ATP2B2: variants seen among roughly 807,000 people sequenced by gnomAD.
ATP2B2 encodes the protein ATPase plasma membrane Ca2+ transporting 2, also known as plasma membrane calcium-transporting ATPase 2.
Under a neutral mutation model 120.0 loss-of-function variants are expected in ATP2B2, and 15 were observed. The ratio of observed to expected loss-of-function variants is 0.12; its 90% CI spans 0.08 to 0.19. ATP2B2 has a LOEUF of 0.19. Among genes scored for constraint, ATP2B2 ranks in the 10% least tolerant of loss-of-function variants. ATP2B2 has a pLI of 1.00. For missense variants in ATP2B2, 1,045 were observed against 1,719.8 expected (o/e 0.61, Z 6.94); for synonymous variants, 694 against 700.3 (o/e 0.99, Z 0.14).
At chr3:10,569,587 T>C (rs1394266779) in intron 2 of ATP2B2, among the ~76,000 whole-genome samples, 1 of 152,172 alleles carries the variant, frequency 6.6e-6, no homozygotes, top group Non-Finnish European at 1.5e-5. Context: ...ACCTCATGGA[T>C]ATTAATCCTT....
chr3:10,509,944 A>C (rs998468536), upstream of ATP2B2, among the ~76,000 whole-genome samples: 1 of 152,122 alleles, frequency 6.6e-6, no homozygotes, highest in Non-Finnish European at 1.5e-5. Flanking sequence ...GATAATACCT[A>C]TTTGGCGGGG....
intron 1 of ATP2B2, among the ~76,000 whole-genome samples, chr3:10,494,752 G>T (rs1048947503): frequency 6.6e-6 from 1 of 152,142 alleles, no homozygotes; most frequent in Non-Finnish European, 1.5e-5. Context: ...TTACAGAGTG[G>T]CCTTCAGCCC....
In ATP2B2 at chr3:10,342,644, T is replaced by C. The variant is rs1029677781; in HGVS notation, c.2917+108A>G. ...CCTCCCTGGGCCTCAATTTCCCCAT[T>C]AGCAAAACAGGAGGGGGTTGTGACT... On this transcript the variant is annotated intron_variant, in intron 19 of 22. Transcript: ENST00000360273. This position sits in a 1 kb window ranked among gnomAD's most constrained non-coding sequence, Gnocchi z 4.4. 92 of 1,367,412 alleles carry C rather than the reference T, an allele frequency of 6.7e-5. No individual in the cohort carries two copies. The highest frequency in any genetic ancestry group is 8.6e-5 in the Non-Finnish European group (84 of 977,846). 84.7% of individuals were successfully genotyped at this position (1,367,412 alleles called of 1,614,324 possible).
chr3:10,471,179 G>C (rs1012987869), intron 1 of ATP2B2, among the ~76,000 whole-genome samples: 1 of 152,186 alleles, frequency 6.6e-6, no homozygotes, highest in African/African-American at 2.4e-5. Context: ...CCTCCTCCCT[G>C]CCCCCAGCAC....
At chr3:10,332,014 C>G in intron 22 of ATP2B2, 2 of 1,550,534 alleles carry the variant, frequency 1.3e-6, no homozygotes, top group Non-Finnish European at 1.7e-6. Context: ...TTGCTGAACT[C>G]TGTGTCCAGG....
chr3:10,532,979 T>C (rs559854194), intron 3 of ATP2B2, among the ~76,000 whole-genome samples: 57 of 152,336 alleles, frequency 3.7e-4, no homozygotes, highest in African/African-American at 1.3e-3. Context: ...GAAGGTCAGA[T>C]GAGATGGCAA....
At chr3:10,616,451 C>G (rs1459282640) in intron 2 of ATP2B2, among the ~76,000 whole-genome samples, 1 of 152,204 alleles carries the variant, frequency 6.6e-6, no homozygotes, top group African/African-American at 2.4e-5. Flanking sequence ...AGAAATGAAT[C>G]TGTCGTTTAA....
At chr3:10,410,899 A>C in intron 2 of ATP2B2, 84 bp from the exon 3 acceptor site, 5 of 1,508,526 alleles carry the variant, frequency 3.3e-6, no homozygotes, top group Non-Finnish European at 4.6e-6. Flanking sequence ...GAAAAGGAGA[A>C]ACAGAGCAAG....
At chr3:10,336,173 T>C (rs1473737661) in intron 22 of ATP2B2, 12 of 1,550,578 alleles carry the variant, frequency 7.7e-6, no homozygotes, top group South Asian at 2.4e-5. Context: ...GGAAAGAGCA[T>C]TGGACAACGA....
At chr3:10,603,755 G>A (rs1036203961) in intron 2 of ATP2B2, among the ~76,000 whole-genome samples, 5 of 151,998 alleles carry the variant, frequency 3.3e-5, no homozygotes, top group Non-Finnish European at 7.4e-5. Context: ...ACAGATCTTC[G>A]TTCTGGCATT....
intron 22 of ATP2B2, among the ~76,000 whole-genome samples, chr3:10,334,758 C>T (rs2060071860): frequency 6.6e-6 from 1 of 152,218 alleles, no homozygotes; most frequent in South Asian, 2.1e-4. Context: ...GCGCCTCCTA[C>T]TGGAGGCACT....
At chr3:10,348,580 G>A (rs1157355133) in intron 16 of ATP2B2, among the ~76,000 whole-genome samples, 3 of 152,154 alleles carry the variant, frequency 2.0e-5, no homozygotes, top group Non-Finnish European at 2.9e-5. Context: ...GAAGGCATCT[G>A]GGGATCTTCT....
rs934121027 is a variant in ATP2B2 at position 10,343,283 on chromosome 3, G to C, written c.2704-318C>G. Among the ~76,000 whole-genome samples the C allele has an allele frequency of 2.0e-5, 3 of 151,878 alleles. No individual in the cohort carries two copies. The highest frequency in any genetic ancestry group is 7.3e-5 in the African/African-American group (3 of 41,344). On this transcript the variant is annotated intron_variant, in intron 18 of 22. Coordinates refer to ENST00000360273, the MANE Select transcript of ATP2B2 (RefSeq NM_001001331.4). The surrounding 1 kb of genome is among the most constrained non-coding windows in gnomAD (Gnocchi z 4.2). ...TCTCCCCTCCAGCCCCCGAGGAGGG[G>C]GTCTCTCCTGGCTGAGGCCAAGACC...
intron 2 of ATP2B2, among the ~76,000 whole-genome samples, chr3:10,560,487 G>A (rs2067878522): frequency 6.6e-6 from 1 of 151,928 alleles, no homozygotes; most frequent in Non-Finnish European, 1.5e-5. Flanking sequence ...AGCCCCAGCT[G>A]AGCCCCATCT....
intron 3 of ATP2B2, among the ~76,000 whole-genome samples, chr3:10,522,914 C>T (rs2067013672): frequency 6.6e-6 from 1 of 152,182 alleles, no homozygotes; most frequent in Non-Finnish European, 1.5e-5. Flanking sequence ...GATGTCGGCA[C>T]CCAGGGTTGC....
At position 10,402,306 on chromosome 3, in the gene ATP2B2, G is replaced by C; in HGVS notation, c.440C>G (p.Ala147Gly). 6.2e-7 allele frequency: 1 copy of C among 1,614,072 alleles called. No individual in the cohort carries two copies. Among genetic ancestry groups the C allele is most frequent in the Non-Finnish European group, 8.5e-7 (1 of 1,180,048 alleles). Residue 147 changes from alanine to glycine, a missense_variant, in exon 4 of 23, where the codon GCA becomes GGA. By Grantham distance (60) the Ala-to-Gly change is moderately conservative. Transcript: ENST00000360273. This position sits in a 1 kb window ranked among gnomAD's most constrained non-coding sequence, Gnocchi z 4.9. ...GGCCCCCTCGATCCAACCTGCCTCT[G>C]CCTCTCCTTCATCCTCTGCCCCACC... is the stretch of plus-strand genomic sequence containing the variant. Reference protein sequence around the residue: ...AQGGAEDEGEAEAGWIEGAAI... With the variant: ...AQGGAEDEGEGEAGWIEGAAI...
At chr3:10,356,054 G>A (rs1216408775) in intron 14 of ATP2B2, among the ~76,000 whole-genome samples, 3 of 18,536 alleles carry the variant, frequency 1.6e-4, no homozygotes, top group Non-Finnish European at 2.7e-4. Context: ...CAGCCTGGGC[G>A]ACAGAGCGAG....
At chr3:10,504,493 C>T (rs2066525492) in intron 1 of ATP2B2, among the ~76,000 whole-genome samples, 2 of 152,098 alleles carry the variant, frequency 1.3e-5, no homozygotes, top group South Asian at 4.1e-4. Context: ...TCGAGCCAGG[C>T]TGGGCCTCTG....
chr3:10,626,781 T>C (rs2069713567), intron 1 of ATP2B2: 1 of 152,122 alleles, frequency 6.6e-6, no homozygotes, highest in South Asian at 2.1e-4. Flanking sequence ...GTTATTTTCA[T>C]TCCTTTAGAG....
Sources: allele counts gnomAD v4.1 joint callset (sites outside exome capture counted in the v4.1 genomes callset), GRCh38; gene constraint gnomAD v4.1.1; non-coding constraint Gnocchi (gnomAD v3.1); transcripts MANE v1.5; gene names NCBI Gene and HGNC (gene_info 2026-07-23, HGNC 2026-07-21).